QTGAL: variants seen among roughly 807,000 people sequenced by gnomAD.
QTGAL encodes the protein BGnT-like protein 1.
At chr17:83,049,494 G>A in the QTGAL span, among the ~76,000 whole-genome samples, 1 of 146,712 alleles carries the variant, frequency 6.8e-6, no homozygotes, top group Non-Finnish European at 1.5e-5. Flanking sequence ...CTCACTGCAA[G>A]CTCTGCCTCC....
chr17:83,021,269 T>C, the QTGAL span, among the ~76,000 whole-genome samples: 1 of 152,046 alleles, frequency 6.6e-6, no homozygotes, highest in East Asian at 1.9e-4. Flanking sequence ...GAATAGACAT[T>C]GGAGAGGGGT....
At chr17:82,974,014 G>C in the QTGAL span, among the ~76,000 whole-genome samples, 3 of 152,182 alleles carry the variant, frequency 2.0e-5, no homozygotes, top group Non-Finnish European at 4.4e-5. Flanking sequence ...GTTTCACCGT[G>C]GGTCGAGAGG....
chr17:83,049,010 T>C, the QTGAL span: 8 of 523,704 alleles, frequency 1.5e-5, no homozygotes, highest in Non-Finnish European at 2.7e-5. Context: ...TGAAAGGACT[T>C]TGGGAGGCCG....
the QTGAL span, among the ~76,000 whole-genome samples, chr17:83,004,744 G>A: frequency 7.9e-6 from 1 of 126,560 alleles, no homozygotes; most frequent in South Asian, 2.5e-4. Context: ...GGATTCCTGA[G>A]CCCGCCCTCC....
chr17:83,007,049 G>C, the QTGAL span: 3 of 401,742 alleles, frequency 7.5e-6, no homozygotes, highest in African/African-American at 6.5e-5. Context: ...CTCCCTGAAG[G>C]CTGGCGAGGA....
the QTGAL span, among the ~76,000 whole-genome samples, chr17:83,013,603 CGTGACCAGGCCCGTCT>C: frequency 3.2e-3 from 482 of 151,826 alleles, 3 homozygotes; most frequent in African/African-American, 0.011. Flanking sequence ...CAGACCCTGC[CGTGACCAGGCCCGTCT>C]GTGACCTGAC....
the QTGAL span, among the ~76,000 whole-genome samples, chr17:83,047,421 GAATAAGA>G: frequency 6.6e-6 from 1 of 151,684 alleles, no homozygotes; most frequent in Non-Finnish European, 1.5e-5. Flanking sequence ...CCCTACCAAA[GAATAAGA>G]AACTTAGGTC....
At chr17:83,038,924 T>C in the QTGAL span, among the ~76,000 whole-genome samples, 1 of 141,492 alleles carries the variant, frequency 7.1e-6, no homozygotes, top group South Asian at 2.2e-4. Context: ...TTTACACACA[T>C]TACAGAAGCA....
the QTGAL span, chr17:82,943,746 C>A: frequency 6.6e-6 from 1 of 152,344 alleles, no homozygotes; most frequent in East Asian, 1.9e-4. Flanking sequence ...TGTGTTTGAC[C>A]TGGTGGCCAA....
the QTGAL span, among the ~76,000 whole-genome samples, chr17:82,982,095 G>A: frequency 6.8e-6 from 1 of 146,250 alleles, no homozygotes; most frequent in African/African-American, 2.6e-5. Flanking sequence ...TCACCTCCAT[G>A]GTGATGGGCC....
At chr17:82,985,417 C>A in the QTGAL span, among the ~76,000 whole-genome samples, 1 of 152,200 alleles carries the variant, frequency 6.6e-6, no homozygotes, top group South Asian at 2.1e-4. Flanking sequence ...CTTTGAACTT[C>A]ACACGTTAAT....
At chr17:82,958,803 G>C in the QTGAL span, among the ~76,000 whole-genome samples, 1 of 129,606 alleles carries the variant, frequency 7.7e-6, no homozygotes, top group East Asian at 2.2e-4. Flanking sequence ...GCATGTGTGT[G>C]TGTGTGTATA....
the QTGAL span, among the ~76,000 whole-genome samples, chr17:83,047,089 C>T: frequency 6.6e-6 from 1 of 152,242 alleles, no homozygotes; most frequent in African/African-American, 2.4e-5. Context: ...CAGAATACCC[C>T]AGACTGGGTG....
At chr17:82,989,689 G>T in the QTGAL span, among the ~76,000 whole-genome samples, 1 of 152,176 alleles carries the variant, frequency 6.6e-6, no homozygotes, top group Non-Finnish European at 1.5e-5. Flanking sequence ...GTGCACCTTT[G>T]TGGAGTCGAA....
chr17:82,992,714 A>C, the QTGAL span, among the ~76,000 whole-genome samples: 19 of 152,220 alleles, frequency 1.2e-4, no homozygotes, highest in Non-Finnish European at 5.9e-5. Flanking sequence ...CTTAAGTGAA[A>C]GACTGAACAA....
chr17:83,002,053 C>T, the QTGAL span, among the ~76,000 whole-genome samples: 1 of 103,794 alleles, frequency 9.6e-6, no homozygotes, highest in Non-Finnish European at 2.0e-5. Context: ...TGAGCCACTG[C>T]GCCTTTTTTT....
the QTGAL span, chr17:82,949,814 G>A: frequency 1.3e-5 from 2 of 152,170 alleles, no homozygotes; most frequent in Admixed American, 6.5e-5. Flanking sequence ...TGGTTTTATG[G>A]TCCTTTTAAC....
At chr17:83,048,408 T>C in the QTGAL span, 2 of 1,387,784 alleles carry the variant, frequency 1.4e-6, no homozygotes, top group East Asian at 4.6e-5. Context: ...TGAAACTGTT[T>C]CGGTACGTAA....
At chr17:82,998,227 T>C in the QTGAL span, among the ~76,000 whole-genome samples, 1,849 of 152,158 alleles carry the variant, frequency 0.012, 43 homozygotes, top group African/African-American at 0.042. Context: ...TCTCACATAA[T>C]CCATAAATAT....
Sources: allele counts gnomAD v4.1 joint callset (sites outside exome capture counted in the v4.1 genomes callset), GRCh38; gene constraint gnomAD v4.1.1; transcripts MANE v1.5; gene names NCBI Gene and HGNC (gene_info 2026-07-23, HGNC 2026-07-21).